The following PCSK5 variants were observed in gnomAD, a reference collection of about 807,000 sequenced individuals.
PCSK5 encodes the protein proprotein convertase subtilisin/kexin type 5, also known as prohormone convertase 5.
PCSK5 carries 129 observed loss-of-function variants against 233.2 expected under a neutral mutation model. The observed-to-expected ratio is 0.55, with a 90% CI of 0.48 to 0.64. The LOEUF is 0.64. PCSK5 is among the 30% of genes least tolerant of loss of function. PCSK5 has a pLI of 0.00. For synonymous variants in PCSK5, 825 were observed against 879.2 expected (o/e 0.94, Z 1.09); for missense variants, 2,076 against 2,430.1 (o/e 0.85, Z 3.06).
At chr9:76,209,522 T>C in intron 20 of PCSK5, 1 of 515,982 alleles carries the variant, frequency 1.9e-6, no homozygotes, top group South Asian at 1.4e-5. Flanking sequence ...AGGCGCTCAA[T>C]AATTAGATGA....
At chr9:76,178,743 A>G (rs939228439) in intron 14 of PCSK5, among the ~76,000 whole-genome samples, 1 of 152,238 alleles carries the variant, frequency 6.6e-6, no homozygotes, top group Non-Finnish European at 1.5e-5. Context: ...TCAGTGGGAA[A>G]GAGTTTGCAG....
At chr9:76,164,191 C>A (rs1380326407) in intron 12 of PCSK5, among the ~76,000 whole-genome samples, 1 of 152,172 alleles carries the variant, frequency 6.6e-6, no homozygotes, top group African/African-American at 2.4e-5. Context: ...ATAAATGCAT[C>A]TGTGGGTTGC....
chr9:76,332,593 G>C lies in PCSK5; in HGVS notation c.4731G>C (p.Leu1577=), dbSNP rs1401138025. Reference sequence around the variant, plus strand: ...GGTTCCAGCTAGGAAAAGAGTGCCTGCTCCAGTGCAGGGAAGGGTAAGTGC... The same window carrying C: ...GGTTCCAGCTAGGAAAAGAGTGCCTCCTCCAGTGCAGGGAAGGGTAAGTGC... The part of the protein sequence containing the change: ...PGWFQLGKEC[L]LQCREGYYAD... Residue 1577 remains leucine (L), a synonymous_variant, in exon 34 of 38, where the codon CTG becomes CTC. Coordinates refer to ENST00000674117, the MANE Select transcript of PCSK5 (RefSeq NM_001372043.1). 6.3e-7 allele frequency: 1 copy of C among 1,594,806 alleles called. No individual in the cohort carries two copies. The highest frequency in any genetic ancestry group is 1.8e-5 in the Admixed American group (1 of 56,576).
At chr9:76,351,691 G>A (rs1050038085) in intron 36 of PCSK5, among the ~76,000 whole-genome samples, 2 of 32,738 alleles carry the variant, frequency 6.1e-5, no homozygotes, top group African/African-American at 9.1e-5. Context: ...GGTAGGGAGG[G>A]AGGAAGGAAG....
intron 1 of PCSK5, among the ~76,000 whole-genome samples, chr9:75,914,070 A>G (rs1299973545): frequency 6.6e-6 from 1 of 152,204 alleles, no homozygotes; most frequent in African/African-American, 2.4e-5. Context: ...ATAAAGAAAA[A>G]TGAAAGGCAG....
At chr9:76,250,071 C>T (rs1279213591) in intron 24 of PCSK5, among the ~76,000 whole-genome samples, 3 of 152,154 alleles carry the variant, frequency 2.0e-5, no homozygotes, top group South Asian at 4.1e-4. Flanking sequence ...CTTTAGGAGG[C>T]TGAGGCAGGC....
intron 30 of PCSK5, among the ~76,000 whole-genome samples, chr9:76,315,143 G>A (rs1828988057): frequency 6.6e-6 from 1 of 151,700 alleles, no homozygotes; most frequent in South Asian, 2.1e-4. Context: ...TAGTAGAGAT[G>A]GGGTTTCACC....
At chr9:76,316,110 T>G (rs1382642092) in intron 30 of PCSK5, among the ~76,000 whole-genome samples, 1 of 152,070 alleles carries the variant, frequency 6.6e-6, no homozygotes, top group East Asian at 1.9e-4. Flanking sequence ...TCTCTGCAGG[T>G]CTTGGCCAGG....
In PCSK5 at chr9:76,121,827, T is replaced by TA. The variant is rs1465102595; in HGVS notation, c.1209-12282_1209-12281insA. On this transcript the variant is annotated intron_variant, in intron 9 of 37. Coordinates refer to ENST00000674117, the MANE Select transcript of PCSK5 (RefSeq NM_001372043.1). The stretch of plus-strand genomic sequence containing the variant: ...TCTCTTGTATTGGTTTTTTTTTTTT[T>TA]TTTTTTTTTTTTTTGAGACGGAGTC... 2.1e-3 allele frequency among the ~76,000 whole-genome samples: 45 copies of TA among 21,530 alleles called. 1 individual carries two copies. The highest frequency in any genetic ancestry group is 3.4e-3 in the African/African-American group (15 of 4,388). 14.1% of individuals were successfully genotyped at this position (21,530 alleles called of 152,430 possible). A position where few individuals can be genotyped will look rare whatever the true frequency, so the allele number is the denominator to read the frequency against.
intron 9 of PCSK5, among the ~76,000 whole-genome samples, chr9:76,115,575 G>C (rs539693506): frequency 6.6e-6 from 1 of 152,036 alleles, no homozygotes; most frequent in African/African-American, 2.4e-5. Flanking sequence ...TCAATGCCAG[G>C]GAATTTTTGT....
intron 3 of PCSK5, among the ~76,000 whole-genome samples, chr9:76,001,513 C>T (rs1295245718): frequency 1.9e-5 from 2 of 106,566 alleles, no homozygotes; most frequent in Non-Finnish European, 3.6e-5. Flanking sequence ...AGTTTATGCT[C>T]TCTCTACTGT....
chr9:76,146,366 C>G (rs1823440524), intron 10 of PCSK5, among the ~76,000 whole-genome samples: 2 of 152,132 alleles, frequency 1.3e-5, no homozygotes, highest in South Asian at 4.1e-4. Context: ...AATAAAGTAT[C>G]TTTTCCATAT....
At chr9:76,092,379 G>C (rs1350806380) in intron 7 of PCSK5, among the ~76,000 whole-genome samples, 1 of 152,082 alleles carries the variant, frequency 6.6e-6, no homozygotes, top group Non-Finnish European at 1.5e-5. Flanking sequence ...TCAAGGTCTG[G>C]CGCTTTCTTT....
intron 5 of PCSK5, among the ~76,000 whole-genome samples, chr9:76,052,530 G>GA (rs1183700288): frequency 2.2e-4 from 34 of 152,172 alleles, no homozygotes; most frequent in African/African-American, 1.2e-4. Context: ...AACAGCATGG[G>GA]AAAAAATCCA....
intron 31 of PCSK5, among the ~76,000 whole-genome samples, chr9:76,321,912 C>T (rs940582945): frequency 6.6e-6 from 1 of 152,078 alleles, no homozygotes; most frequent in Non-Finnish European, 1.5e-5. Context: ...AAGTGCTATC[C>T]TAGGTGCTAG....
At chr9:75,926,080 T>TGGTGGAGC (rs1823474664) in intron 1 of PCSK5, among the ~76,000 whole-genome samples, 1 of 152,188 alleles carries the variant, frequency 6.6e-6, no homozygotes, top group South Asian at 2.1e-4. Flanking sequence ...GGCGGACACA[T>TGGTGGAGC]TCCAGCTCCA....
intron 1 of PCSK5, among the ~76,000 whole-genome samples, chr9:75,899,879 A>G (rs1204988986): frequency 6.6e-6 from 1 of 152,166 alleles, no homozygotes; most frequent in Non-Finnish European, 1.5e-5. Context: ...GGCCAGGAAG[A>G]TGGAGAGAGC....
intron 28 of PCSK5, 150 bp downstream of exon 28, chr9:76,302,367 G>C (rs753754698): frequency 6.1e-5 from 20 of 330,454 alleles, no homozygotes; most frequent in South Asian, 2.2e-4. Flanking sequence ...GGAGACAGGA[G>C]GGGCAATAAA....
intron 1 of PCSK5, among the ~76,000 whole-genome samples, chr9:75,922,957 T>C (rs1265279044): frequency 6.6e-6 from 1 of 152,220 alleles, no homozygotes; most frequent in Admixed American, 6.5e-5. Context: ...ACTTAAATTC[T>C]TCTGTACTCT....
Sources: gnomAD v4.1 joint callset for allele counts (sites outside exome capture counted in the v4.1 genomes callset) on GRCh38, gnomAD v4.1.1 for gene constraint, MANE v1.5 for transcripts, NCBI Gene and HGNC (gene_info 2026-07-23, HGNC 2026-07-21) for gene names.